Variants in BIRC6 observed in about 807,000 individuals in gnomAD.
BIRC6 encodes baculoviral IAP repeat containing 6.
In BIRC6, 98 loss-of-function variants were observed where a neutral mutation model predicts 503.3. The observed-to-expected ratio is 0.19, with a 90% confidence interval of 0.17 to 0.23. BIRC6 has a LOEUF of 0.23. Ranked by LOEUF, BIRC6 falls within the 10% of genes least tolerant of loss-of-function variation. BIRC6 has a pLI of 1.00. For synonymous variants in BIRC6, 2,240 were observed against 2,078.7 expected (o/e 1.08, Z -2.11); for missense variants, 5,360 against 5,806.0 (o/e 0.92, Z 2.50).
chr2:32,417,890 C>T (rs935650418), intron 10 of BIRC6, among the ~76,000 whole-genome samples: 6 of 152,172 alleles, frequency 3.9e-5, no homozygotes, highest in African/African-American at 9.7e-5. Context: ...AGTGATTCTC[C>T]GGCCTTAGCC....
At chr2:32,521,365 CAAAAAA>C (rs35410265) in intron 57 of BIRC6, among the ~76,000 whole-genome samples, 8 of 21,510 alleles carry the variant, frequency 3.7e-4, no homozygotes, top group African/African-American at 4.7e-4. Flanking sequence ...GACCTCATCT[CAAAAAA>C]AAAAAAAAAA....
At chr2:32,525,363 T>G (rs774417894) in intron 58 of BIRC6, 101 bp from the exon 59 acceptor site, 267 of 1,246,148 alleles carry the variant, frequency 2.1e-4, no homozygotes, top group Non-Finnish European at 2.5e-4. Flanking sequence ...TTTTCTGACA[T>G]TAGCTAGGAA....
chr2:32,533,739 C>T (rs951850287), intron 61 of BIRC6, among the ~76,000 whole-genome samples: 3 of 152,096 alleles, frequency 2.0e-5, no homozygotes, highest in Admixed American at 6.6e-5. Flanking sequence ...AGCCATGGAA[C>T]GTAAGTAGCC....
At chr2:32,589,495 C>T (rs1250641509) in intron 66 of BIRC6, among the ~76,000 whole-genome samples, 1 of 152,178 alleles carries the variant, frequency 6.6e-6, no homozygotes, top group African/African-American at 2.4e-5. Flanking sequence ...AAAAAAATTT[C>T]AGTTCCAGCC....
At chr2:32,460,990 C>G (rs1423609838) in intron 23 of BIRC6, among the ~76,000 whole-genome samples, 1 of 145,226 alleles carries the variant, frequency 6.9e-6, no homozygotes, top group Admixed American at 6.9e-5. Flanking sequence ...TTGCTCTGCT[C>G]TGCTCTGCTC....
At chr2:32,362,746 G>T (rs968666040) in intron 1 of BIRC6, among the ~76,000 whole-genome samples, 5 of 152,046 alleles carry the variant, frequency 3.3e-5, no homozygotes, top group Non-Finnish European at 5.9e-5. Context: ...AAGGAGCTTG[G>T]TTCTGGACAC....
chr2:32,472,576 A>T lies in BIRC6; in HGVS notation c.6593-536A>T, dbSNP rs552350191. Among the ~76,000 whole-genome samples, 8 of 152,268 alleles carry T rather than the reference A, an allele frequency of 5.3e-5. No homozygotes were observed. In the East Asian group the frequency reaches 1.5e-3, roughly 29 times the overall value. ...TAGGATTAGGAAAAGATGTTTTGGGATTGGAAATGGGTGTAAAGTGTGTTA... is the reference window on the plus strand; with the variant it reads ...TAGGATTAGGAAAAGATGTTTTGGGTTTGGAAATGGGTGTAAAGTGTGTTA... On this transcript the variant is annotated intron_variant, in intron 32 of 73. Coordinates refer to ENST00000421745, the MANE Select transcript of BIRC6 (RefSeq NM_016252.4).
chr2:32,468,436 G>T lies in BIRC6; in HGVS notation c.5781-1G>T, dbSNP rs34669925. 6.4e-7 allele frequency: 1 copy of T among 1,559,052 alleles called. No homozygotes were observed. The highest frequency in any genetic ancestry group is 2.0e-5 in the Admixed American group (1 of 50,116). On this transcript the variant is annotated splice_acceptor_variant, in intron 28 of 73. Transcript: ENST00000421745. LOFTEE classifies it high-confidence loss of function. ...TTTTGTTCAATCTTTTTTTACTTTA[G>T]GTATAACTTGGCTTGTCATCGTCTG...
At chr2:32,437,808 A>G (rs2044898298) in intron 15 of BIRC6, among the ~76,000 whole-genome samples, 1 of 152,092 alleles carries the variant, frequency 6.6e-6, no homozygotes, top group Non-Finnish European at 1.5e-5. Flanking sequence ...TCTTATTGTC[A>G]TTAGGTTTTC....
intron 66 of BIRC6, among the ~76,000 whole-genome samples, chr2:32,590,293 ATCT>A (rs1486569817): frequency 6.6e-6 from 1 of 152,204 alleles, no homozygotes; most frequent in African/African-American, 2.4e-5. Context: ...TAGTTTTAGA[ATCT>A]TCTTCTGCAG....
chr2:32,461,171 T>TCCC (rs1558791012), intron 23 of BIRC6, among the ~76,000 whole-genome samples: 1 of 15,164 alleles, frequency 6.6e-5, no homozygotes, highest in South Asian at 5.1e-3. Flanking sequence ...TCCCCTCCCC[T>TCCC]CTCCCCTCCC....
intron 20 of BIRC6, among the ~76,000 whole-genome samples, 154 bp from the exon 21 acceptor site, chr2:32,445,367 T>A (rs574473872): frequency 1.3e-5 from 2 of 152,288 alleles, no homozygotes; most frequent in East Asian, 3.9e-4. Context: ...CTCCAAGGAG[T>A]TATCTTTGTA....
At chr2:32,604,585 T>C (rs1441305341) in intron 71 of BIRC6, among the ~76,000 whole-genome samples, 1 of 152,262 alleles carries the variant, frequency 6.6e-6, no homozygotes, top group African/African-American at 2.4e-5. Context: ...CAGGAAGTAT[T>C]GATCTCTGAT....
At chr2:32,434,070 G>A (rs1459944308) in intron 13 of BIRC6, among the ~76,000 whole-genome samples, 1 of 152,074 alleles carries the variant, frequency 6.6e-6, no homozygotes, top group African/African-American at 2.4e-5. Flanking sequence ...AAATTAGTTT[G>A]ACTTTTAGCA....
chr2:32,418,127 A>C (rs1370871471), intron 10 of BIRC6, among the ~76,000 whole-genome samples: 1 of 152,244 alleles, frequency 6.6e-6, no homozygotes. Flanking sequence ...AAATCTTTAA[A>C]TATCATAAAA....
chr2:32,568,859 C>G (rs977209130), intron 65 of BIRC6, among the ~76,000 whole-genome samples: 104 of 151,568 alleles, frequency 6.9e-4, no homozygotes, highest in African/African-American at 2.0e-3. Flanking sequence ...AAAAAAAAAG[C>G]ACACATTTCT....
chr2:32,557,568 A>G (rs1453315750), intron 65 of BIRC6: 1 of 152,138 alleles, frequency 6.6e-6, no homozygotes, highest in East Asian at 1.9e-4. Context: ...TCATATAGTA[A>G]TTGCTCTTAG....
At position 32,503,374 on chromosome 2, in the gene BIRC6, G is replaced by C. The variant is rs1021891092; in HGVS notation, c.9499+138G>C. 3 of 729,550 alleles carry C rather than the reference G, an allele frequency of 4.1e-6. No homozygotes were observed. In the African/African-American group the frequency reaches 5.3e-5, roughly 13 times the overall value. The allele number at this position is 729,550 out of a possible 1,614,324, so 45.2% of individuals were successfully genotyped here. On this transcript the variant is annotated intron_variant, in intron 49 of 73. Transcript: ENST00000421745. ...ACAAACAGTTTATTTTAGAGGTAGT[G>C]GATATCTCGACATTCTACTTATGAG...
At chr2:32,364,357 A>C (rs530435149) in intron 1 of BIRC6, among the ~76,000 whole-genome samples, 4 of 152,294 alleles carry the variant, frequency 2.6e-5, no homozygotes, top group African/African-American at 9.6e-5. Context: ...CTCCTGCCTC[A>C]GCCTCCTGAG....
Sources: allele counts gnomAD v4.1 joint callset (sites outside exome capture counted in the v4.1 genomes callset), GRCh38; gene constraint gnomAD v4.1.1; transcripts MANE v1.5; gene names NCBI Gene and HGNC (gene_info 2026-07-23, HGNC 2026-07-21).